Variants in KCNN2 observed in about 807,000 individuals in gnomAD.
KCNN2 encodes the protein small conductance calcium-activated potassium channel protein 2.
In KCNN2, 24 loss-of-function variants were observed where a neutral mutation model predicts 55.5. That is an observed-to-expected ratio of 0.43 (90% CI 0.31 to 0.61). The LOEUF (loss-of-function observed/expected upper bound fraction) is 0.61, where lower values mean the gene tolerates loss of function less well. KCNN2 is among the 20% of genes least tolerant of loss of function. KCNN2 has a pLI of 0.08. For synonymous variants in KCNN2, 431 were observed against 336.1 expected (o/e 1.28, Z -3.09); for missense variants, 754 against 853.6 (o/e 0.88, Z 1.45).
chr5:114,382,125 A>G (rs968162984), intron 2 of KCNN2, among the ~76,000 whole-genome samples: 1 of 152,234 alleles, frequency 6.6e-6, no homozygotes, highest in African/African-American at 2.4e-5. Flanking sequence ...GATCAGAAAT[A>G]GGCTTTGAAA....
At chr5:114,080,488 C>G (rs982691459) in intron 1 of KCNN2, among the ~76,000 whole-genome samples, 5 of 152,096 alleles carry the variant, frequency 3.3e-5, no homozygotes, top group Non-Finnish European at 5.9e-5. Context: ...TAGGGCTATT[C>G]ATGTTATCTG....
At chr5:114,178,537 C>A (rs559908944) in intron 1 of KCNN2, among the ~76,000 whole-genome samples, 3 of 152,318 alleles carry the variant, frequency 2.0e-5, no homozygotes, top group African/African-American at 7.2e-5. Flanking sequence ...ATTACCCATT[C>A]CCTCTCCAAA....
chr5:114,094,767 C>A (rs1019053658), intron 1 of KCNN2, among the ~76,000 whole-genome samples: 1 of 152,112 alleles, frequency 6.6e-6, no homozygotes. Context: ...CTGTTGCATA[C>A]TTCCCTGCTT....
chr5:114,247,202 C>CAAAAAAAAAAAAAAAAAA (rs370172975), intron 2 of KCNN2, among the ~76,000 whole-genome samples: 66 of 68,040 alleles, frequency 9.7e-4, no homozygotes, highest in Middle Eastern at 0.014. Flanking sequence ...CATATGTCTC[C>CAAAAAAAAAAAAAAAAAA]AAAAAAAAAA....
At chr5:114,406,617 A>G (rs920394560) in intron 3 of KCNN2, among the ~76,000 whole-genome samples, 6 of 151,608 alleles carry the variant, frequency 4.0e-5, no homozygotes, top group Non-Finnish European at 8.8e-5. Context: ...AATCATCTCT[A>G]AATTCTCTCA....
chr5:114,495,964 G>A lies in KCNN2; in HGVS notation c.2158G>A (p.Val720Ile). 1 of 1,614,070 alleles carries A rather than the reference G, an allele frequency of 6.2e-7. No individual in the cohort carries two copies. Among genetic ancestry groups the A allele is most frequent in the Non-Finnish European group, 8.5e-7 (1 of 1,179,956 alleles). The change falls in exon 8 of 8, where the codon GTT becomes ATT. Residue 720 changes from valine (V) to isoleucine (I), a missense_variant. Val to Ile is a conservative substitution (Grantham distance 29). Coordinates refer to ENST00000673685, the MANE Select transcript of KCNN2 (RefSeq NM_021614.4). ...GAGTGAAGACTTCGAGAAGAGGATT[G>A]TTACCCTGGAAACAAAACTAGAGAC... ...ERSEDFEKRI[V>I]TLETKLETLI...
intron 2 of KCNN2, among the ~76,000 whole-genome samples, chr5:114,342,487 G>A (rs1232437485): frequency 6.6e-6 from 1 of 152,078 alleles, no homozygotes; most frequent in Non-Finnish European, 1.5e-5. Context: ...GGAATGTACA[G>A]GAAAGATTCC....
intron 2 of KCNN2, among the ~76,000 whole-genome samples, chr5:114,256,365 A>C (rs1466768539): frequency 1.3e-5 from 2 of 152,162 alleles, no homozygotes; most frequent in Non-Finnish European, 2.9e-5. Flanking sequence ...TTTTTGGTAT[A>C]ATGATTGCTT....
intron 2 of KCNN2, among the ~76,000 whole-genome samples, chr5:114,383,896 A>G (rs1386379368): frequency 6.6e-6 from 1 of 152,202 alleles, no homozygotes; most frequent in Non-Finnish European, 1.5e-5. Flanking sequence ...ATTTTTTAGA[A>G]AGCTAAAATA....
intron 3 of KCNN2, among the ~76,000 whole-genome samples, chr5:114,457,885 T>C (rs917676110): frequency 2.0e-5 from 3 of 152,234 alleles, no homozygotes; most frequent in Non-Finnish European, 4.4e-5. Flanking sequence ...TGTCCTTTGT[T>C]GCTAGATAAC....
At chr5:114,466,754 G>A (rs911240057) in intron 4 of KCNN2, among the ~76,000 whole-genome samples, 1 of 151,848 alleles carries the variant, frequency 6.6e-6, no homozygotes, top group South Asian at 2.1e-4. Flanking sequence ...AGGGATGCAG[G>A]TTGTTATTCA....
chr5:114,466,380 TTTGGACAGCACCAGCTA>T (rs1467107103), intron 4 of KCNN2, among the ~76,000 whole-genome samples: 2 of 152,054 alleles, frequency 1.3e-5, no homozygotes, highest in Non-Finnish European at 2.9e-5. Flanking sequence ...TCTATCAGCT[TTTGGACAGCACCAGCTA>T]GTTTCTCAAT....
At chr5:114,440,901 A>G (rs1407852897) in intron 3 of KCNN2, among the ~76,000 whole-genome samples, 3 of 114,048 alleles carry the variant, frequency 2.6e-5, no homozygotes, top group African/African-American at 8.2e-5. Flanking sequence ...AGTGATCACA[A>G]TAAATGATAT....
At chr5:114,170,750 C>A (rs1428207429) in intron 1 of KCNN2, among the ~76,000 whole-genome samples, 2 of 151,864 alleles carry the variant, frequency 1.3e-5, no homozygotes, top group African/African-American at 4.8e-5. Flanking sequence ...AAAACCTAGT[C>A]ATTTACCTAT....
At chr5:114,399,647 C>T (rs898885310) in intron 2 of KCNN2, among the ~76,000 whole-genome samples, 1 of 152,066 alleles carries the variant, frequency 6.6e-6, no homozygotes, top group Non-Finnish European at 1.5e-5. Context: ...TCTTCTCAAT[C>T]TTTTGGAATA....
intron 1 of KCNN2, among the ~76,000 whole-genome samples, chr5:114,152,048 A>G (rs1580562699): frequency 6.6e-6 from 1 of 152,186 alleles, no homozygotes; most frequent in African/African-American, 2.4e-5. Context: ...ATTTCTTCTT[A>G]AATATTAAAA....
intron 1 of KCNN2, among the ~76,000 whole-genome samples, chr5:114,102,848 TG>T (rs1751400046): frequency 6.6e-6 from 1 of 152,198 alleles, no homozygotes; most frequent in Admixed American, 6.6e-5. Context: ...AGCCTTGTAG[TG>T]TAGTTTGAAG....
At chr5:114,144,564 A>G (rs1752357279) in intron 1 of KCNN2, among the ~76,000 whole-genome samples, 1 of 152,136 alleles carries the variant, frequency 6.6e-6, no homozygotes, top group Non-Finnish European at 1.5e-5. Flanking sequence ...GGCCTATGTA[A>G]GGCTACGGGG....
chr5:114,160,441 G>T lies in KCNN2; in HGVS notation c.-270-61039G>T, dbSNP rs1752745754. Among the ~76,000 whole-genome samples, 3 of 152,240 alleles carry T rather than the reference G, an allele frequency of 2.0e-5. No homozygotes were observed. The South Asian group carries it at 6.2e-4, about 32-fold the overall frequency. On this transcript the variant is annotated intron_variant, in intron 1 of 10. Transcript: ENST00000512097. ...ACTTCCAATTATGTGGTCAATTTTG[G>T]AATAGGTGTGGTCTGGTGCTGAAAA...
Sources: allele counts gnomAD v4.1 joint callset (sites outside exome capture counted in the v4.1 genomes callset), GRCh38; gene constraint gnomAD v4.1.1; transcripts MANE v1.5; gene names NCBI Gene and HGNC (gene_info 2026-07-23, HGNC 2026-07-21).